Variants in IP6K3 observed in about 807,000 individuals in gnomAD.
IP6K3 encodes inositol hexakisphosphate kinase 3.
IP6K3 carries 20 observed loss-of-function variants against 28.8 expected under a neutral mutation model. The ratio of observed to expected loss-of-function variants is 0.70; its 90% CI spans 0.49 to 1.01. The LOEUF is 1.01. IP6K3 is among the 50% of genes least tolerant of loss of function. The pLI, the probability that IP6K3 is intolerant of heterozygous loss-of-function variation, is 0.00. For synonymous variants in IP6K3, 213 were observed against 221.3 expected (o/e 0.96, Z 0.33); for missense variants, 480 against 537.1 (o/e 0.89, Z 1.05).
At chr6:33,757,195 C>T in the IP6K3 span, among the ~76,000 whole-genome samples, 1 of 152,342 alleles carries the variant, frequency 6.6e-6, no homozygotes, top group African/African-American at 2.4e-5. Context: ...GCCCCTCCTC[C>T]CTCACCTCCC....
the IP6K3 span, among the ~76,000 whole-genome samples, chr6:33,757,622 C>T: frequency 6.6e-6 from 1 of 152,236 alleles, no homozygotes; most frequent in East Asian, 1.9e-4. Context: ...TGCTAGTTCT[C>T]GTGGGATTTA....
chr6:33,759,351 A>G, the IP6K3 span, among the ~76,000 whole-genome samples: 5 of 152,132 alleles, frequency 3.3e-5, no homozygotes, highest in Non-Finnish European at 7.4e-5. Flanking sequence ...ATCTTGGCTC[A>G]CTGCAACCTC....
chr6:33,745,229 C>T (rs2127367328), intron 1 of IP6K3, among the ~76,000 whole-genome samples: 1 of 152,328 alleles, frequency 6.6e-6, no homozygotes, highest in East Asian at 1.9e-4. Context: ...GGGTTTCTGC[C>T]TGGGAAGGAT....
upstream of IP6K3, among the ~76,000 whole-genome samples, chr6:33,749,233 T>C (rs543606292): frequency 2.0e-5 from 3 of 152,278 alleles, no homozygotes; most frequent in Admixed American, 6.5e-5. Flanking sequence ...ACCTGCTTTC[T>C]GCGTTTGTTT....
chr6:33,726,509 T>G (rs964989409), intron 4 of IP6K3, among the ~76,000 whole-genome samples: 2 of 152,244 alleles, frequency 1.3e-5, no homozygotes, highest in Non-Finnish European at 2.9e-5. Flanking sequence ...TAATTCCATC[T>G]GCCTTCCCCA....
intron 1 of IP6K3, among the ~76,000 whole-genome samples, chr6:33,743,102 G>T (rs542665506): frequency 6.6e-6 from 1 of 152,298 alleles, no homozygotes; most frequent in South Asian, 2.1e-4. Flanking sequence ...CGGAGAGTGA[G>T]CCCAGCCTGG....
At chr6:33,760,717 G>C in the IP6K3 span, among the ~76,000 whole-genome samples, 4,002 of 152,230 alleles carry the variant, frequency 0.026, 151 homozygotes, top group African/African-American at 0.086. Flanking sequence ...TAGTAGAGAC[G>C]GGGTTTTGCC....
intron 1 of IP6K3, among the ~76,000 whole-genome samples, chr6:33,736,061 T>C (rs1766512830): frequency 6.6e-6 from 1 of 152,164 alleles, no homozygotes; most frequent in Admixed American, 6.5e-5. Context: ...AAACGGGGTC[T>C]CACCATGTTG....
chr6:33,722,796 T>C lies in IP6K3; in HGVS notation c.1157A>G (p.Asp386Gly). The change falls in exon 6 of 6, where the codon GAT (aspartate) becomes GGT (glycine). Residue 386 changes from aspartate (D) to glycine (G), a missense_variant. By Grantham distance (94) the Asp-to-Gly change is moderately conservative. Transcript: ENST00000293756. ...KGYWNEHTTY[D>G]GPDPGYIFGL... ...AAAAATATAGCCAGGGTCTGGTCCA[T>C]CGTAGGTGGTGTGCTCATTCCAGTA... 1.2e-6 allele frequency: 2 copies of C among 1,614,122 alleles called. No homozygotes were observed.
At chr6:33,748,657 A>AG (rs1766976310), upstream of IP6K3, among the ~76,000 whole-genome samples, 1 of 140,944 alleles carries the variant, frequency 7.1e-6, no homozygotes, top group African/African-American at 2.7e-5. Context: ...AAAAAAAAAA[A>AG]AAAAAAAAAA....
At chr6:33,754,186 C>A in the IP6K3 span, among the ~76,000 whole-genome samples, 19 of 152,164 alleles carry the variant, frequency 1.2e-4, no homozygotes, top group Admixed American at 9.8e-4. Context: ...CCAGATATAC[C>A]CAGCTGGGCC....
upstream of IP6K3, among the ~76,000 whole-genome samples, chr6:33,747,843 C>A (rs1766955764): frequency 1.3e-5 from 2 of 151,982 alleles, no homozygotes; most frequent in Admixed American, 6.6e-5. This position sits in a 1 kb window ranked among gnomAD's most constrained non-coding sequence, Gnocchi z 5.2. Context: ...CAAAGGTGGG[C>A]AGACAGATGC....
intron 1 of IP6K3, among the ~76,000 whole-genome samples, chr6:33,745,012 C>T (rs541986035): frequency 6.6e-6 from 1 of 152,234 alleles, no homozygotes; most frequent in South Asian, 2.1e-4. Flanking sequence ...TGAGGCCTCT[C>T]AGCTGCCAGC....
chr6:33,754,273 G>A, the IP6K3 span, among the ~76,000 whole-genome samples: 2 of 152,068 alleles, frequency 1.3e-5, no homozygotes, highest in African/African-American at 2.4e-5. Context: ...GGTGGTGGGA[G>A]CTGAGGAGGA....
At chr6:33,727,960 C>A in intron 3 of IP6K3, 127 bp downstream of exon 3, 2 of 1,455,754 alleles carry the variant, frequency 1.4e-6, no homozygotes, top group Admixed American at 2.5e-5. Context: ...CTAGACAGAG[C>A]ATTCATCTGA....
intron 1 of IP6K3, among the ~76,000 whole-genome samples, chr6:33,740,332 C>T (rs2127362872): frequency 6.6e-6 from 1 of 152,380 alleles, no homozygotes; most frequent in Admixed American, 6.5e-5. Flanking sequence ...CCTGCCCTGT[C>T]GTTGCATCAT....
chr6:33,759,520 G>A, the IP6K3 span, among the ~76,000 whole-genome samples: 1 of 152,284 alleles, frequency 6.6e-6, no homozygotes, highest in East Asian at 1.9e-4. Context: ...GTGAGTCACT[G>A]TGCCCAGCTA....
In IP6K3 at chr6:33,735,514, C is replaced by G; in HGVS notation, c.-38G>C. 1 of 1,596,084 alleles carries G rather than the reference C, an allele frequency of 6.3e-7. No homozygotes were observed. ...TGGTGGTGGGGGGTCCCTGCACAGT[C>G]TGCTAGAGGAAGGTTTGAAGTAGAA... is the stretch of plus-strand genomic sequence containing the variant. On this transcript the variant is annotated 5_prime_UTR_variant, in exon 2 of 6. Coordinates refer to ENST00000293756, the MANE Select transcript of IP6K3 (RefSeq NM_054111.5).
chr6:33,754,673 C>T, the IP6K3 span, among the ~76,000 whole-genome samples: 1 of 152,112 alleles, frequency 6.6e-6, no homozygotes, highest in Non-Finnish European at 1.5e-5. Context: ...TCTGGGCATC[C>T]CACTCCCCAT....
Sources: allele counts gnomAD v4.1 joint callset (sites outside exome capture counted in the v4.1 genomes callset), GRCh38; gene constraint gnomAD v4.1.1; non-coding constraint Gnocchi (gnomAD v3.1); transcripts MANE v1.5; gene names NCBI Gene and HGNC (gene_info 2026-07-23, HGNC 2026-07-21).